The following DCC variants were observed in gnomAD, a reference collection of about 807,000 sequenced individuals.
DCC encodes DCC netrin 1 receptor.
DCC carries 58 observed loss-of-function variants against 172.5 expected under a neutral mutation model. The ratio of observed to expected loss-of-function variants is 0.34; its 90% confidence interval spans 0.27 to 0.42. The LOEUF (loss-of-function observed/expected upper bound fraction) is 0.42, where lower values mean the gene tolerates loss of function less well. Ranked by LOEUF, DCC falls within the 10% of genes least tolerant of loss-of-function variation. The pLI, the probability that DCC is intolerant of heterozygous loss-of-function variation, is 1.00. For missense variants in DCC, 1,740 were observed against 1,791.0 expected (o/e 0.97, Z 0.51); for synonymous variants, 709 against 644.5 (o/e 1.10, Z -1.52).
intron 5 of DCC, among the ~76,000 whole-genome samples, chr18:52,986,196 A>T (rs1327427717): frequency 1.3e-5 from 2 of 152,200 alleles, no homozygotes; most frequent in African/African-American, 4.8e-5. Flanking sequence ...TAGGAGGACT[A>T]GCAGTATGTT....
At chr18:52,937,915 C>G (rs2040404511) in intron 5 of DCC, among the ~76,000 whole-genome samples, 1 of 152,052 alleles carries the variant, frequency 6.6e-6, no homozygotes, top group Admixed American at 6.6e-5. Context: ...CATTCGGACT[C>G]TAAACTTTGT....
chr18:52,537,798 C>G (rs2032330435), intron 1 of DCC, among the ~76,000 whole-genome samples: 1 of 152,176 alleles, frequency 6.6e-6, no homozygotes, highest in African/African-American at 2.4e-5. Flanking sequence ...CCTCATGCCA[C>G]TTGTCTAAAG....
chr18:52,840,450 A>G (rs1442257371), intron 2 of DCC, among the ~76,000 whole-genome samples: 1 of 152,190 alleles, frequency 6.6e-6, no homozygotes, highest in Admixed American at 6.5e-5. Context: ...TGGTGCCTGC[A>G]TTCTCAGTAA....
chr18:52,769,121 C>T (rs779396601), intron 2 of DCC, among the ~76,000 whole-genome samples: 6 of 152,080 alleles, frequency 3.9e-5, no homozygotes, highest in Non-Finnish European at 5.9e-5. Context: ...TATTTCACTC[C>T]CACCTAATTG....
chr18:52,358,593 A>G (rs1407127302), intron 1 of DCC, among the ~76,000 whole-genome samples: 1 of 152,190 alleles, frequency 6.6e-6, no homozygotes, highest in East Asian at 1.9e-4. Context: ...CTGGTGTTCT[A>G]TTAGCTTGGT....
At chr18:52,741,419 T>A (rs1407611023) in intron 1 of DCC, among the ~76,000 whole-genome samples, 1 of 152,112 alleles carries the variant, frequency 6.6e-6, no homozygotes, top group Non-Finnish European at 1.5e-5. Context: ...ACTGATGTTT[T>A]GGGATGGGTA....
chr18:52,410,086 T>C (rs1464707640), intron 1 of DCC, among the ~76,000 whole-genome samples: 2 of 152,222 alleles, frequency 1.3e-5, no homozygotes, highest in African/African-American at 4.8e-5. Context: ...AAATGTAGGA[T>C]ACCTGACAAT....
chr18:53,218,511 C>G (rs2055886147), intron 12 of DCC, among the ~76,000 whole-genome samples: 1 of 151,910 alleles, frequency 6.6e-6, no homozygotes, highest in Non-Finnish European at 1.5e-5. Flanking sequence ...TCTTGAAAAC[C>G]CAGTATGGTA....
chr18:52,515,928 GAA>G (rs34820684), intron 1 of DCC, among the ~76,000 whole-genome samples: 2 of 115,054 alleles, frequency 1.7e-5, no homozygotes, highest in African/African-American at 3.5e-5. Flanking sequence ...TTAGAAAATG[GAA>G]AAAAAAAAAA....
intron 1 of DCC, among the ~76,000 whole-genome samples, chr18:52,538,458 T>A (rs997123906): frequency 1.3e-5 from 2 of 152,186 alleles, no homozygotes; most frequent in Non-Finnish European, 2.9e-5. Flanking sequence ...ATAAACTCTT[T>A]CCTGATGTAC....
At chr18:53,511,283 G>A (rs1201328463) in intron 27 of DCC, among the ~76,000 whole-genome samples, 1 of 152,226 alleles carries the variant, frequency 6.6e-6, no homozygotes, top group Non-Finnish European at 1.5e-5. Flanking sequence ...TTGGAAAATG[G>A]TAGGAGTAGG....
chr18:53,031,041 G>A (rs898459443), intron 5 of DCC, among the ~76,000 whole-genome samples: 18 of 152,196 alleles, frequency 1.2e-4, no homozygotes, highest in East Asian at 9.7e-4. Flanking sequence ...GATGGATCAC[G>A]TGAGGTCAAG....
At chr18:52,737,020 T>G (rs537086352) in intron 1 of DCC, among the ~76,000 whole-genome samples, 11 of 152,326 alleles carry the variant, frequency 7.2e-5, no homozygotes, top group Admixed American at 7.2e-4. Flanking sequence ...ATGACAACAC[T>G]TGAACCCCTC....
chr18:52,849,891 AAAAG>A (rs1247388136), intron 2 of DCC, among the ~76,000 whole-genome samples: 1 of 152,180 alleles, frequency 6.6e-6, no homozygotes, highest in Non-Finnish European at 1.5e-5. Flanking sequence ...TTGGAGGTAA[AAAAG>A]AAAAACATCC....
At chr18:53,245,117 A>G (rs2056350431) in intron 12 of DCC, among the ~76,000 whole-genome samples, 1 of 152,126 alleles carries the variant, frequency 6.6e-6, no homozygotes, top group African/African-American at 2.4e-5. Flanking sequence ...AGTCCATGCT[A>G]GAAGAAATCT....
chr18:53,032,904 A>C (rs1348631963), intron 5 of DCC, among the ~76,000 whole-genome samples: 5 of 152,150 alleles, frequency 3.3e-5, no homozygotes, highest in African/African-American at 1.2e-4. Context: ...TTTGGCTCTA[A>C]ATCTGAGTTT....
chr18:53,119,459 T>C (rs980506261), intron 7 of DCC, among the ~76,000 whole-genome samples: 6 of 151,778 alleles, frequency 4.0e-5, no homozygotes, highest in Admixed American at 3.3e-4. Context: ...CTCTGTCTAC[T>C]TAGGAAAACT....
chr18:52,956,746 A>G (rs966597715), intron 5 of DCC, among the ~76,000 whole-genome samples: 24 of 152,140 alleles, frequency 1.6e-4, no homozygotes, highest in African/African-American at 5.5e-4. Flanking sequence ...TTCTCAATTT[A>G]TTTAGTTTTT....
intron 8 of DCC, among the ~76,000 whole-genome samples, chr18:53,178,014 G>A (rs773070500): frequency 3.3e-5 from 5 of 152,064 alleles, no homozygotes; most frequent in East Asian, 3.8e-4. Flanking sequence ...TAAAGTGTAC[G>A]TATAATTCCA....
Sources: gnomAD v4.1 joint callset for allele counts (sites outside exome capture counted in the v4.1 genomes callset) on GRCh38, gnomAD v4.1.1 for gene constraint, MANE v1.5 for transcripts, NCBI Gene and HGNC (gene_info 2026-07-23, HGNC 2026-07-21) for gene names.